SSH3: variants seen among roughly 807,000 people sequenced by gnomAD.
SSH3 encodes protein phosphatase Slingshot homolog 3.
SSH3 carries 67 observed loss-of-function variants against 75.0 expected under a neutral mutation model. The ratio of observed to expected loss-of-function variants is 0.89; its 90% confidence interval spans 0.73 to 1.10. The LOEUF is 1.10. SSH3 is among the 50% of genes least tolerant of loss of function. SSH3 has a pLI of 0.00. For synonymous variants in SSH3, 318 were observed against 349.2 expected, an observed-to-expected ratio of 0.91 and a Z score of 1.00; for missense variants, 824 against 872.7, an observed-to-expected ratio of 0.94 and a Z score of 0.70.
chr11:67,304,999 A>G lies in SSH3; in HGVS notation c.331A>G (p.Ile111Val). The G allele has an allele frequency of 6.2e-7, 1 of 1,609,890 alleles. No individual in the cohort carries two copies. The highest frequency in any genetic ancestry group is 1.1e-5 in the South Asian group (1 of 90,626). ...MVQLLRPQDD[I>V]RLAAQLEAPR... ...ACAGCTGCTGAGGCCGCAGGATGAC[A>G]TCCGCCTGGTGAGGGCCCATGTGGA... The change falls in exon 3 of 14, where the codon ATC (isoleucine) becomes GTC (valine). Residue 111 changes from isoleucine (I) to valine (V), a missense_variant. Transcript: ENST00000308127.
Position 67,304,140 on chromosome 11 carries a change from G to C in SSH3, c.89G>C (p.Ser30Thr). The C allele has an allele frequency of 6.2e-7, 1 of 1,600,008 alleles. No individual in the cohort carries two copies. Among genetic ancestry groups the C allele is most frequent in the Non-Finnish European group, 8.5e-7 (1 of 1,177,066 alleles). ...GPWDQAVQRR[S>T]RLQRRQSFAV... The stretch of plus-strand genomic sequence containing the variant: ...CAGGACCAGGCGGTCCAGCGAAGGA[G>C]TCGACTCCAGCGAAGGTGAGCGCCA... Residue 30 changes from serine (S) to threonine (T), a missense_variant, in exon 2 of 14, where the codon AGT becomes ACT. Coordinates refer to ENST00000308127, the MANE Select transcript of SSH3 (RefSeq NM_017857.4).
chr11:67,303,792 A>C, intron 1 of SSH3, 101 bp downstream of exon 1: 1 of 1,273,088 alleles, frequency 7.9e-7, no homozygotes, highest in Non-Finnish European at 1.0e-6. Flanking sequence ...GGACATGAGG[A>C]GGGGGCCCCG....
intron 13 of SSH3, among the ~76,000 whole-genome samples, chr11:67,311,023 T>C (rs1433805394): frequency 6.6e-6 from 1 of 152,106 alleles, no homozygotes; most frequent in Non-Finnish European, 1.5e-5. Flanking sequence ...CCAGGCCCTG[T>C]CTGGGACTCA....
chr11:67,306,825 C>T lies in SSH3; in HGVS notation c.340-13C>T, dbSNP rs1187763293. Reference sequence around the variant, plus strand: ...GGGGCCACTGTGACCCTGGGTTCCTCATCTCCCCCCAGGCAGCCCAGCTGG... The same window carrying T: ...GGGGCCACTGTGACCCTGGGTTCCTTATCTCCCCCCAGGCAGCCCAGCTGG... On this transcript the variant is annotated splice_polypyrimidine_tract_variant and intron_variant, in intron 3 of 13. Transcript: ENST00000308127. 6.2e-7 allele frequency: 1 copy of T among 1,603,276 alleles called. No individual in the cohort carries two copies. Among genetic ancestry groups the T allele is most frequent in the Non-Finnish European group, 8.5e-7 (1 of 1,173,796 alleles).
In SSH3 at chr11:67,308,426, C is replaced by A. The variant is rs149991072; in HGVS notation, c.1029C>A (p.Asn343Lys). The A allele has an allele frequency of 2.5e-6, 4 of 1,608,856 alleles. No individual in the cohort carries two copies. Among genetic ancestry groups the A allele is most frequent in the Middle Eastern group, 1.7e-4 (1 of 5,902 alleles). The change falls in exon 10 of 14, where the codon AAC becomes AAA. Residue 343 changes from asparagine to lysine, a missense_variant. Asn to Lys is a moderately conservative substitution (Grantham distance 94). Coordinates refer to ENST00000308127, the MANE Select transcript of SSH3 (RefSeq NM_017857.4). This position sits in a 1 kb window ranked among gnomAD's most constrained non-coding sequence, Gnocchi z 4.9. ...CTCTCTCCCAGGGCTCAGAGTGGAA[C>A]GCAGCAAACCTGGAGGAGCTGCAGA... ...FPHLYLGSEW[N>K]AANLEELQRN...
rs937022650 is a variant in SSH3 at position 67,308,375 on chromosome 11, G to A, written c.1015-37G>A. On this transcript the variant is annotated intron_variant, in intron 9 of 13. Coordinates refer to ENST00000308127, the MANE Select transcript of SSH3 (RefSeq NM_017857.4). The surrounding 1 kb of genome is among the most constrained non-coding windows in gnomAD (Gnocchi z 4.9). Reference sequence around the variant, plus strand: ...GGGCGGCAGGCCAGGAGCAGAGGCTGGAGGAGAGGAGAAATGTGCTGTTCC... The same window carrying A: ...GGGCGGCAGGCCAGGAGCAGAGGCTAGAGGAGAGGAGAAATGTGCTGTTCC... The A allele has an allele frequency of 1.2e-6, 2 of 1,613,914 alleles. No individual in the cohort carries two copies. The highest frequency in any genetic ancestry group is 2.7e-5 in the African/African-American group (2 of 75,076).
intron 13 of SSH3, 122 bp downstream of exon 13, chr11:67,310,461 GCCCGCC>G: frequency 2.3e-6 from 3 of 1,292,428 alleles, no homozygotes; most frequent in Non-Finnish European, 3.1e-6. Flanking sequence ...GCTAAGTCTG[GCCCGCC>G]CATGCAGGGT....
In SSH3 at chr11:67,308,520, T is replaced by C. The variant is rs1590886747; in HGVS notation, c.1061+62T>C. ...TTCCCTTCTCCTGGCCTCCCCGCAT[T>C]GGGTGGTAGCCAGCTTCAAAAACCC... is the stretch of plus-strand genomic sequence containing the variant. On this transcript the variant is annotated intron_variant, in intron 10 of 13. Transcript: ENST00000308127. The surrounding 1 kb of genome is among the most constrained non-coding windows in gnomAD (Gnocchi z 4.9). 2 of 1,544,476 alleles carry C rather than the reference T, an allele frequency of 1.3e-6. No homozygotes were observed. Among genetic ancestry groups the C allele is most frequent in the East Asian group, 2.5e-5 (1 of 40,816 alleles).
chr11:67,311,941 G>A lies in SSH3; in HGVS notation c.*54G>A, dbSNP rs1861425475. 3 of 1,590,854 alleles carry A rather than the reference G, an allele frequency of 1.9e-6. No individual in the cohort carries two copies. Among genetic ancestry groups the A allele is most frequent in the African/African-American group, 2.7e-5 (2 of 73,594 alleles). ...CACTGAAGAGGATCCACAACTCCTT[G>A]GAGAAACACCCTCACGTCTGTTGCC... On this transcript the variant is annotated 3_prime_UTR_variant, in exon 14 of 14. Transcript: ENST00000308127.
chr11:67,306,902 A>C lies in SSH3; in HGVS notation c.404A>C (p.Glu135Ala). 6.2e-7 allele frequency: 1 copy of C among 1,613,578 alleles called. No individual in the cohort carries two copies. Among genetic ancestry groups the C allele is most frequent in the Non-Finnish European group, 8.5e-7 (1 of 1,179,638 alleles). ...LRYLLVVSTR[E>A]GEGLSQDETV... ...TACCTGCTGGTAGTTTCTACACGAGAAGGAGAAGGTCTGAGCCAGGATGAG... is the reference window on the plus strand; with the variant it reads ...TACCTGCTGGTAGTTTCTACACGAGCAGGAGAAGGTCTGAGCCAGGATGAG... Residue 135 changes from glutamate to alanine, a missense_variant, in exon 4 of 14, where the codon GAA (glutamate) becomes GCA (alanine). Coordinates refer to ENST00000308127, the MANE Select transcript of SSH3 (RefSeq NM_017857.4).
At chr11:67,304,466 T>C (rs1013866613) in intron 2 of SSH3, among the ~76,000 whole-genome samples, 3 of 152,174 alleles carry the variant, frequency 2.0e-5, no homozygotes, top group Non-Finnish European at 2.9e-5. Context: ...CCCGACCATG[T>C]TCCCAGCAGC....
In SSH3 at chr11:67,309,911, G is replaced by A. The variant is rs192669750; in HGVS notation, c.1352G>A (p.Arg451His). The A allele has an allele frequency of 3.6e-4, 582 of 1,611,182 alleles. No homozygotes were observed. The highest frequency in any genetic ancestry group is 4.9e-4 in the Middle Eastern group (3 of 6,062). The change falls in exon 12 of 14, where the codon CGC (arginine) becomes CAC (histidine). Residue 451 changes from arginine to histidine, a missense_variant. Arg to His is a conservative substitution (Grantham distance 29, BLOSUM62 0). Coordinates refer to ENST00000308127, the MANE Select transcript of SSH3 (RefSeq NM_017857.4). ...RHVQELRPIA[R>H]PNPGFLRQLQ... ...GTGCAGGAGCTCCGGCCCATCGCCC[G>A]CCCCAACCCTGGCTTCCTGCGCCAG...
chr11:67,304,476 C>G (rs1010701620), intron 2 of SSH3, among the ~76,000 whole-genome samples: 1 of 152,236 alleles, frequency 6.6e-6, no homozygotes, highest in African/African-American at 2.4e-5. Flanking sequence ...TTCCCAGCAG[C>G]ACTTGAGTTA....
rs890617695 is a variant in SSH3 at position 67,303,880 on chromosome 11, C to A, written c.66+189C>A. ...GGGGCACAATCCAGAGCCCTGCGCG[C>A]CGCCCGGGCTGCGGAGGCCCCGATC... On this transcript the variant is annotated intron_variant, in intron 1 of 13. Transcript: ENST00000308127. The A allele has an allele frequency of 4.0e-6, 3 of 755,850 alleles. No individual in the cohort carries two copies. The African/African-American group carries it at 5.6e-5, about 14-fold the overall frequency. The allele number at this position is 755,850 out of a possible 1,614,324, so 46.8% of individuals were successfully genotyped here.
At chr11:67,309,339 T>C (rs3737460) in intron 10 of SSH3, 58 bp from the exon 11 acceptor site, 1 of 1,602,116 alleles carries the variant, frequency 6.2e-7, no homozygotes, top group Non-Finnish European at 8.5e-7. Context: ...CAGGTCCGAT[T>C]GCCAGTGGGC....
intron 13 of SSH3, 87 bp downstream of exon 13, chr11:67,310,426 G>A: frequency 1.3e-6 from 2 of 1,487,176 alleles, no homozygotes; most frequent in Non-Finnish European, 1.8e-6. Context: ...GCGTTTGACT[G>A]TAGACCTGAG....
intron 2 of SSH3, 148 bp downstream of exon 2, chr11:67,304,303 G>A: frequency 1.5e-6 from 1 of 682,174 alleles, no homozygotes; most frequent in Non-Finnish European, 2.4e-6. Context: ...TTCCCGGTGG[G>A]GCCGGCTGGT....
Position 67,307,307 on chromosome 11 carries a change from A to G in SSH3, c.537-64A>G. 2 of 1,604,286 alleles carry G rather than the reference A, an allele frequency of 1.2e-6. No homozygotes were observed. Among genetic ancestry groups the G allele is most frequent in the East Asian group, 2.3e-5 (1 of 44,426 alleles). On this transcript the variant is annotated intron_variant, in intron 5 of 13. Transcript: ENST00000308127. The surrounding 1 kb of genome is among the most constrained non-coding windows in gnomAD (Gnocchi z 4.2). ...TGGGTCTCGGCTTCCCGTATCCAGCAAAAGGATGGGTTCTCTGTCGCAGAG... is the reference window on the plus strand; with the variant it reads ...TGGGTCTCGGCTTCCCGTATCCAGCGAAAGGATGGGTTCTCTGTCGCAGAG...
Position 67,307,406 on chromosome 11 carries a change from T to C in SSH3, c.572T>C (p.Ile191Thr). 1 of 1,614,012 alleles carries C rather than the reference T, an allele frequency of 6.2e-7. No homozygotes were observed. Among genetic ancestry groups the C allele is most frequent in the African/African-American group, 1.3e-5 (1 of 75,022 alleles). Residue 191 changes from isoleucine to threonine, a missense_variant, in exon 6 of 14, where the codon ATC (isoleucine) becomes ACC (threonine). Physicochemically the swap from Ile to Thr is moderately conservative, Grantham distance 89. Coordinates refer to ENST00000308127, the MANE Select transcript of SSH3 (RefSeq NM_017857.4). This position sits in a 1 kb window ranked among gnomAD's most constrained non-coding sequence, Gnocchi z 4.2. ...GTGACGTCTGGTGGGCAAAGCCGGA[T>C]CTTCAAGCCCATCTCCATCCAGACC... Reference protein sequence around the residue: ...FSVTSGGQSRIFKPISIQTMW... With the variant: ...FSVTSGGQSRTFKPISIQTMW...
Sources: gnomAD v4.1 joint callset for allele counts (sites outside exome capture counted in the v4.1 genomes callset) on GRCh38, gnomAD v4.1.1 for gene constraint, Gnocchi (gnomAD v3.1) non-coding constraint, MANE v1.5 for transcripts, NCBI Gene and HGNC (gene_info 2026-07-23, HGNC 2026-07-21) for gene names.